Variants in NR3C1 observed in about 807,000 individuals in gnomAD.
The protein encoded by NR3C1 is glucocorticoid receptor.
Under a neutral mutation model 74.0 loss-of-function variants are expected in NR3C1, and 14 were observed. The ratio of observed to expected loss-of-function variants is 0.19; its 90% CI spans 0.12 to 0.30. The LOEUF is 0.30. Ranked by LOEUF, NR3C1 falls within the 10% of genes least tolerant of loss-of-function variation. The pLI is 1.00. For synonymous variants in NR3C1, 308 were observed against 332.5 expected (o/e 0.93, Z 0.80); for missense variants, 695 against 909.8 (o/e 0.76, Z 3.04).
chr5:143,290,925 T>TTATC (rs1562714896), intron 7 of NR3C1, among the ~76,000 whole-genome samples: 1 of 152,216 alleles, frequency 6.6e-6, no homozygotes, highest in Admixed American at 6.5e-5. Context: ...CTAATGTACC[T>TTATC]TATCTGTTAC....
intron 1 of NR3C1, among the ~76,000 whole-genome samples, chr5:143,426,773 A>C (rs893007416): frequency 3.9e-5 from 6 of 152,328 alleles, no homozygotes; most frequent in African/African-American, 1.4e-4. Context: ...ATTTTGAAAT[A>C]TGTACGAATT....
chr5:143,310,231 C>T lies in NR3C1; in HGVS notation c.1352-18G>A, dbSNP rs371323920. The T allele has an allele frequency of 3.7e-5, 57 of 1,554,300 alleles. No individual in the cohort carries two copies. Among genetic ancestry groups the T allele is most frequent in the Non-Finnish European group, 4.7e-5 (53 of 1,127,646 alleles). On this transcript the variant is annotated intron_variant, in intron 3 of 8. Coordinates refer to ENST00000394464, the MANE Select transcript of NR3C1 (RefSeq NM_000176.3). ...GTGCTGTCCTATATGGAATAAAAGGCACTATTAAAGTTTCACAGGTCTTCA... is the reference window on the plus strand; with the variant it reads ...GTGCTGTCCTATATGGAATAAAAGGTACTATTAAAGTTTCACAGGTCTTCA...
At chr5:143,428,806 G>T (rs868627519) in intron 1 of NR3C1, among the ~76,000 whole-genome samples, 1 of 152,182 alleles carries the variant, frequency 6.6e-6, no homozygotes, top group Non-Finnish European at 1.5e-5. Flanking sequence ...GCAAAGCAAT[G>T]TGAGTGGGGG....
chr5:143,314,721 C>T (rs1274747175), intron 2 of NR3C1, among the ~76,000 whole-genome samples: 1 of 152,092 alleles, frequency 6.6e-6, no homozygotes, highest in African/African-American at 2.4e-5. Context: ...CTACTAGAGT[C>T]AAAATTTTTT....
intron 2 of NR3C1, among the ~76,000 whole-genome samples, chr5:143,336,200 CTGT>C (rs1379921687): frequency 2.6e-5 from 4 of 152,296 alleles, no homozygotes; most frequent in Non-Finnish European, 4.4e-5. Flanking sequence ...AGAGCCCTGG[CTGT>C]TGTTCACATG....
intron 2 of NR3C1, among the ~76,000 whole-genome samples, chr5:143,329,134 G>A (rs1825316735): frequency 6.6e-6 from 1 of 152,124 alleles, no homozygotes; most frequent in Non-Finnish European, 1.5e-5. Context: ...TCATAGTTCT[G>A]CATAGCTGGG....
intron 7 of NR3C1, among the ~76,000 whole-genome samples, chr5:143,289,818 T>A (rs1164444159): frequency 6.6e-6 from 1 of 152,176 alleles, no homozygotes; most frequent in Non-Finnish European, 1.5e-5. Flanking sequence ...CAGTACCAAG[T>A]ACTGAGGAGG....
intron 1 of NR3C1, among the ~76,000 whole-genome samples, chr5:143,411,507 A>G (rs1298015117): frequency 2.0e-5 from 3 of 152,310 alleles, no homozygotes; most frequent in African/African-American, 7.2e-5. Flanking sequence ...AGTACCATGA[A>G]TGACTTCTTT....
rs115318914 is a variant in NR3C1, at chr5:143,395,392, G to A, written c.1184+4264C>T. 5.8e-3 allele frequency among the ~76,000 whole-genome samples: 880 copies of A among 151,776 alleles called. 11 individuals are homozygous for A. The highest frequency in any genetic ancestry group is 0.02 in the African/African-American group (836 of 41,450). ...TAATGGATTTTTTTTTGTAGTTATA[G>A]CTTAATTCAACAAAATTTTCTTGAA... On this transcript the variant is annotated intron_variant, in intron 2 of 8. Transcript: ENST00000394464.
intron 4 of NR3C1, among the ~76,000 whole-genome samples, chr5:143,302,745 A>G (rs1561514079): frequency 6.6e-6 from 1 of 152,152 alleles, no homozygotes; most frequent in East Asian, 1.9e-4. Flanking sequence ...GCAAGAAATA[A>G]TACTAATTAA....
chr5:143,286,666 C>G (rs10482696), intron 7 of NR3C1, among the ~76,000 whole-genome samples: 12 of 152,120 alleles, frequency 7.9e-5, no homozygotes, highest in African/African-American at 2.9e-4. Context: ...ATACCAAGCT[C>G]TGGCAAGGAT....
intron 2 of NR3C1, among the ~76,000 whole-genome samples, chr5:143,393,414 A>C (rs992035772): frequency 6.6e-6 from 1 of 152,148 alleles, no homozygotes; most frequent in African/African-American, 2.4e-5. Context: ...TTTGACTCCA[A>C]AGTACCTAGT....
At chr5:143,429,333 T>C (rs1404730944) in intron 1 of NR3C1, among the ~76,000 whole-genome samples, 2 of 152,204 alleles carry the variant, frequency 1.3e-5, no homozygotes, top group South Asian at 2.1e-4. Context: ...TAATTTTAAC[T>C]ACAAAATCTC....
intron 2 of NR3C1, among the ~76,000 whole-genome samples, chr5:143,362,760 A>C (rs1832515715): frequency 6.6e-6 from 1 of 152,212 alleles, no homozygotes; most frequent in Non-Finnish European, 1.5e-5. Flanking sequence ...GAACTGGCTT[A>C]GTGCTTCCCT....
chr5:143,426,630 T>C (rs982992058), intron 1 of NR3C1, among the ~76,000 whole-genome samples: 3 of 152,262 alleles, frequency 2.0e-5, no homozygotes, highest in Non-Finnish European at 4.4e-5. Flanking sequence ...AAGACTCCTT[T>C]GACTAATTTT....
intron 1 of NR3C1, among the ~76,000 whole-genome samples, chr5:143,426,558 C>T (rs146945295): frequency 2.0e-4 from 30 of 152,300 alleles, no homozygotes; most frequent in African/African-American, 7.2e-4. Flanking sequence ...AAAGTTTATT[C>T]AGATTATGAT....
At chr5:143,370,269 T>C (rs1171560324) in intron 2 of NR3C1, among the ~76,000 whole-genome samples, 1 of 152,158 alleles carries the variant, frequency 6.6e-6, no homozygotes, top group African/African-American at 2.4e-5. Context: ...TAGCTGACTT[T>C]ATAGCACCTT....
intron 1 of NR3C1, among the ~76,000 whole-genome samples, chr5:143,421,489 T>C (rs1004744861): frequency 4.6e-5 from 7 of 152,144 alleles, no homozygotes; most frequent in Non-Finnish European, 1.0e-4. Context: ...AGGATTGTTA[T>C]GAGGACTAAG....
chr5:143,313,008 G>C (rs1055378343), intron 3 of NR3C1, among the ~76,000 whole-genome samples: 3 of 152,122 alleles, frequency 2.0e-5, no homozygotes, highest in African/African-American at 4.8e-5. Context: ...GTATTAAAAA[G>C]TAAAACAAAA....
Sources: gnomAD v4.1 joint callset for allele counts (sites outside exome capture counted in the v4.1 genomes callset) on GRCh38, gnomAD v4.1.1 for gene constraint, MANE v1.5 for transcripts, NCBI Gene and HGNC (gene_info 2026-07-23, HGNC 2026-07-21) for gene names.